PURG: variants seen among roughly 807,000 people sequenced by gnomAD.
PURG encodes the protein purine-rich element-binding protein gamma.
In PURG, 3 loss-of-function variants were observed where a neutral mutation model predicts 24.3. The ratio of observed to expected loss-of-function variants is 0.12; its 90% CI spans 0.06 to 0.32. The LOEUF (loss-of-function observed/expected upper bound fraction) is 0.32, where lower values mean the gene tolerates loss of function less well. Among genes scored for constraint, PURG ranks in the 10% least tolerant of loss-of-function variants. PURG has a pLI of 1.00. For synonymous variants in PURG, 180 were observed against 173.1 expected, an observed-to-expected ratio of 1.04 and a Z score of -0.31; for missense variants, 371 against 439.1, an observed-to-expected ratio of 0.84 and a Z score of 1.39.
intron 1 of PURG, among the ~76,000 whole-genome samples, chr8:31,000,588 C>T (rs1810518516): frequency 6.6e-6 from 1 of 152,218 alleles, no homozygotes; most frequent in Non-Finnish European, 1.5e-5. Context: ...AGGCTAAACT[C>T]TGCGGTGTAG....
chr8:31,032,811 C>A lies in PURG; in HGVS notation c.-6-23G>T. 1.5e-6 allele frequency: 2 copies of A among 1,378,972 alleles called. No homozygotes were observed. The highest frequency in any genetic ancestry group is 9.4e-7 in the Non-Finnish European group (1 of 1,061,674). 85.4% of individuals were successfully genotyped at this position (1,378,972 alleles called of 1,614,324 possible). The stretch of plus-strand genomic sequence containing the variant: ...CAGCTGCAAGTAACAAACAGACACA[C>A]GGGATGGGGTGGGGGAGGGGTGTTG... On this transcript the variant is annotated intron_variant, in intron 1 of 1. Transcript: ENST00000523392. This position sits in a 1 kb window ranked among gnomAD's most constrained non-coding sequence, Gnocchi z 5.9.
chr8:31,003,972 C>T (rs1021419309), intron 1 of PURG, among the ~76,000 whole-genome samples: 13 of 152,220 alleles, frequency 8.5e-5, no homozygotes, highest in African/African-American at 3.1e-4. Context: ...CAAAATTCAG[C>T]CACCTTTTTG....
chr8:31,027,663 G>A (rs1246680599), downstream of PURG, among the ~76,000 whole-genome samples: 9 of 151,586 alleles, frequency 5.9e-5, no homozygotes, highest in Admixed American at 4.6e-4. Flanking sequence ...AAGGTAGGAT[G>A]ACTATATAAT....
chr8:31,003,546 G>T (rs988663735), intron 1 of PURG, among the ~76,000 whole-genome samples: 6 of 152,092 alleles, frequency 3.9e-5, no homozygotes, highest in African/African-American at 1.4e-4. Flanking sequence ...CAGATCACTT[G>T]ACATCAGGAG....
At position 31,032,761 on chromosome 8, in the gene PURG, C is replaced by T. The variant is rs768857757; in HGVS notation, c.22G>A (p.Gly8Arg). 12 of 1,438,182 alleles carry T rather than the reference C, an allele frequency of 8.3e-6. No individual in the cohort carries two copies. The Admixed American group carries it at 1.7e-4, about 20-fold the overall frequency. 89.1% of individuals were successfully genotyped at this position (1,438,182 alleles called of 1,614,324 possible). The change falls in exon 2 of 2, where the codon GGA becomes AGA. Residue 8 changes from glycine (G) to arginine (R), a missense_variant. Coordinates refer to ENST00000523392, the MANE Select transcript of PURG (RefSeq NM_001323311.2). This position sits in a 1 kb window ranked among gnomAD's most constrained non-coding sequence, Gnocchi z 5.9. MERARRR[G>R]GGGGRGRGGK... The stretch of plus-strand genomic sequence containing the variant: ...CCGCGGCCGCGGCCGCCGCCGCCTC[C>T]CCTTCGCCTGGCTCTTTCCATCTTC...
chr8:31,001,353 CTT>C (rs1810532350), intron 1 of PURG, among the ~76,000 whole-genome samples: 1 of 152,166 alleles, frequency 6.6e-6, no homozygotes, highest in Non-Finnish European at 1.5e-5. Flanking sequence ...CTTTGTAGCT[CTT>C]TTCATTTCCA....
chr8:30,996,752 C>A (rs1403472853), intron 1 of PURG: 1 of 1,325,770 alleles, frequency 7.5e-7, no homozygotes, highest in Admixed American at 1.7e-5. Flanking sequence ...CAAGGGAGTT[C>A]CACTATTTTC....
chr8:31,005,989 G>C (rs1810640642), intron 1 of PURG, among the ~76,000 whole-genome samples: 1 of 151,790 alleles, frequency 6.6e-6, no homozygotes, highest in African/African-American at 2.4e-5. Context: ...TATGCCTCTT[G>C]GTGCACAATC....
At chr8:31,021,677 G>C (rs560843607) in intron 1 of PURG, among the ~76,000 whole-genome samples, 2 of 152,130 alleles carry the variant, frequency 1.3e-5, no homozygotes, top group Non-Finnish European at 2.9e-5. Flanking sequence ...TGGCCTAACT[G>C]AACGGGCACA....
At chr8:31,010,403 A>G (rs771944409) in intron 1 of PURG, among the ~76,000 whole-genome samples, 13 of 152,236 alleles carry the variant, frequency 8.5e-5, no homozygotes, top group Non-Finnish European at 1.3e-4. Context: ...GTGCACAGAC[A>G]TGAGCACCAA....
chr8:31,024,505 G>A (rs1455868903), intron 1 of PURG, among the ~76,000 whole-genome samples: 1 of 152,124 alleles, frequency 6.6e-6, no homozygotes, highest in Non-Finnish European at 1.5e-5. Context: ...AACAGAGGTT[G>A]AGTTTTGAGA....
chr8:31,006,202 A>G (rs1810647202), intron 1 of PURG, among the ~76,000 whole-genome samples: 1 of 152,222 alleles, frequency 6.6e-6, no homozygotes, highest in Non-Finnish European at 1.5e-5. Flanking sequence ...AATTCTAAAA[A>G]TAAGTAAGTG....
intron 1 of PURG, among the ~76,000 whole-genome samples, chr8:31,013,591 G>A (rs1810802647): frequency 2.0e-5 from 3 of 152,140 alleles, no homozygotes; most frequent in Non-Finnish European, 4.4e-5. Flanking sequence ...CACAAAATTA[G>A]CCAGGCATGG....
intron 1 of PURG, among the ~76,000 whole-genome samples, chr8:31,003,588 C>A (rs1056372433): frequency 1.3e-5 from 2 of 151,956 alleles, no homozygotes; most frequent in Non-Finnish European, 2.9e-5. Context: ...ATGGCAAAAC[C>A]CTATCTCTAC....
At chr8:31,019,688 T>C (rs1294354540) in intron 1 of PURG, among the ~76,000 whole-genome samples, 2 of 150,846 alleles carry the variant, frequency 1.3e-5, no homozygotes, top group African/African-American at 4.9e-5. Flanking sequence ...GTCATCCCCA[T>C]GCCTGGCTAA....
intron 1 of PURG, among the ~76,000 whole-genome samples, chr8:31,011,615 C>T (rs1563305651): frequency 6.6e-6 from 1 of 151,978 alleles, no homozygotes; most frequent in Non-Finnish European, 1.5e-5. Context: ...TATGTACCAA[C>T]AAACTGTCTA....
At chr8:31,002,881 T>C (rs1263789119) in intron 1 of PURG, among the ~76,000 whole-genome samples, 1 of 152,210 alleles carries the variant, frequency 6.6e-6, no homozygotes, top group Non-Finnish European at 1.5e-5. Flanking sequence ...GGAACAAACA[T>C]TATCGGCAGT....
rs569630736 is a variant in PURG, at chr8:31,003,783, A to G, written c.865-7086T>C. Among the ~76,000 whole-genome samples the G allele has an allele frequency of 1.2e-4, 18 of 152,248 alleles. No homozygotes were observed. In the South Asian group the frequency reaches 3.5e-3, roughly 30 times the overall value. On this transcript the variant is annotated intron_variant, in intron 1 of 1. Coordinates refer to the PURG transcript ENST00000339382. ...TCTCAAAAAAAAACCAAAAAACAAA[A>G]AAACAAAAAAAACACCATACTAACT... is the stretch of plus-strand genomic sequence containing the variant.
At chr8:31,024,272 C>G (rs1241545079) in intron 1 of PURG, among the ~76,000 whole-genome samples, 1 of 152,132 alleles carries the variant, frequency 6.6e-6, no homozygotes, top group African/African-American at 2.4e-5. Context: ...AACTCTCACA[C>G]TTTCCAACTC....
Sources: gnomAD v4.1 joint callset for allele counts (sites outside exome capture counted in the v4.1 genomes callset) on GRCh38, gnomAD v4.1.1 for gene constraint, Gnocchi (gnomAD v3.1) non-coding constraint, MANE v1.5 for transcripts, NCBI Gene and HGNC (gene_info 2026-07-23, HGNC 2026-07-21) for gene names.